Variants in KAZN observed in about 807,000 individuals in gnomAD.
KAZN encodes the protein kazrin, periplakin interacting protein.
KAZN carries 40 observed loss-of-function variants against 87.4 expected under a neutral mutation model. That is an observed-to-expected ratio of 0.46 (90% confidence interval 0.36 to 0.60). KAZN has a LOEUF of 0.60. Among genes scored for constraint, KAZN ranks in the 20% least tolerant of loss-of-function variants. KAZN has a pLI of 0.00. For missense variants in KAZN, 898 were observed against 1,073.9 expected, an observed-to-expected ratio of 0.84 and a Z score of 2.29; for synonymous variants, 466 against 458.3, an observed-to-expected ratio of 1.02 and a Z score of -0.22.
At chr1:14,480,280 A>T (rs2148389482) in intron 2 of KAZN, among the ~76,000 whole-genome samples, 1 of 152,336 alleles carries the variant, frequency 6.6e-6, no homozygotes, top group Admixed American at 6.5e-5. Context: ...GGCTCTGCGC[A>T]TATGCAGGTA....
chr1:14,072,429 G>A (rs1293804485), intron 1 of KAZN, among the ~76,000 whole-genome samples: 2 of 152,104 alleles, frequency 1.3e-5, no homozygotes, highest in Admixed American at 6.6e-5. Context: ...ATGACTCCAT[G>A]TTGGCTGGGG....
At chr1:14,616,278 C>T (rs1352125483) in intron 1 of KAZN, among the ~76,000 whole-genome samples, 1 of 152,182 alleles carries the variant, frequency 6.6e-6, no homozygotes, top group African/African-American at 2.4e-5. Context: ...CAAGCTTCCT[C>T]ATGCGGTGTC....
chr1:14,520,704 G>A (rs1671540462), intron 2 of KAZN, among the ~76,000 whole-genome samples: 1 of 152,156 alleles, frequency 6.6e-6, no homozygotes, highest in African/African-American at 2.4e-5. Flanking sequence ...TATCTGTTTG[G>A]GCAGAGACTG....
chr1:14,485,695 C>A (rs1325996699), intron 2 of KAZN, among the ~76,000 whole-genome samples: 1 of 151,962 alleles, frequency 6.6e-6, no homozygotes, highest in Non-Finnish European at 1.5e-5. Flanking sequence ...GAGTAAAAGA[C>A]CAGCCTGACC....
intron 1 of KAZN, chr1:14,929,717 G>C: frequency 1.1e-6 from 1 of 931,870 alleles, no homozygotes; most frequent in Non-Finnish European, 1.3e-6. Flanking sequence ...GTTATAAGGG[G>C]TGTGCGGGCG....
chr1:14,894,205 C>G (rs994758643), intron 1 of KAZN, among the ~76,000 whole-genome samples: 10 of 152,128 alleles, frequency 6.6e-5, no homozygotes, highest in South Asian at 2.1e-4. Flanking sequence ...CCATCTCCCC[C>G]GCTCCAGCCT....
At chr1:14,163,121 A>G (rs939096787) in intron 1 of KAZN, among the ~76,000 whole-genome samples, 6 of 152,162 alleles carry the variant, frequency 3.9e-5, no homozygotes, top group Non-Finnish European at 8.8e-5. Flanking sequence ...ATGGGTCTGC[A>G]GCAACTTGAT....
intron 2 of KAZN, among the ~76,000 whole-genome samples, chr1:14,212,350 A>AT (rs1489570194): frequency 6.6e-6 from 1 of 152,182 alleles, no homozygotes; most frequent in Admixed American, 6.5e-5. Context: ...CAGCCTTAAA[A>AT]TTTGAGAGAA....
chr1:14,730,761 G>A (rs1295851269), intron 1 of KAZN, among the ~76,000 whole-genome samples: 2 of 152,196 alleles, frequency 1.3e-5, no homozygotes, highest in African/African-American at 4.8e-5. Flanking sequence ...GGCCCAGAGA[G>A]AATGATGCTT....
At chr1:14,178,975 A>G (rs998389648) in intron 1 of KAZN, among the ~76,000 whole-genome samples, 1 of 152,142 alleles carries the variant, frequency 6.6e-6, no homozygotes. Flanking sequence ...AATGTGTCCC[A>G]TATTCCACCC....
intron 2 of KAZN, among the ~76,000 whole-genome samples, chr1:14,254,688 A>C (rs1291853246): frequency 6.6e-6 from 1 of 152,146 alleles, no homozygotes; most frequent in African/African-American, 2.4e-5. Context: ...GCTATAAAGA[A>C]ATACCTGAGA....
intron 2 of KAZN, among the ~76,000 whole-genome samples, chr1:14,369,008 A>C (rs1282485379): frequency 1.3e-5 from 2 of 152,182 alleles, no homozygotes; most frequent in Non-Finnish European, 2.9e-5. Flanking sequence ...ACAGTGGCTA[A>C]TAGGGAGCGC....
chr1:14,023,588 G>A (rs1266197094), intron 1 of KAZN, among the ~76,000 whole-genome samples: 1 of 152,100 alleles, frequency 6.6e-6, no homozygotes, highest in Admixed American at 6.6e-5. Flanking sequence ...TTCCTTGGGT[G>A]GACATTGACT....
chr1:15,028,570 TG>T (rs1030171484), intron 2 of KAZN, among the ~76,000 whole-genome samples: 1 of 152,200 alleles, frequency 6.6e-6, no homozygotes, highest in Non-Finnish European at 1.5e-5. Context: ...AATTATTTCT[TG>T]GGGGCCCATC....
chr1:14,921,322 G>GGACC lies in KAZN; in HGVS notation c.227-39361_227-39358dup, dbSNP rs1322230075. Among the ~76,000 whole-genome samples, 3 of 152,264 alleles carry GGACC rather than the reference G, an allele frequency of 2.0e-5. No homozygotes were observed. In the East Asian group the frequency reaches 5.8e-4, roughly 29 times the overall value. On this transcript the variant is annotated intron_variant, in intron 1 of 14. Transcript: ENST00000376030. ...ATGTGCGCTTCAGGAGGTTGCAGAG[G>GGACC]GACCAGTGACGGTAGCGGTGAAATG...
intron 8 of KAZN, among the ~76,000 whole-genome samples, chr1:15,082,839 C>T (rs1011568177): frequency 6.6e-6 from 1 of 152,180 alleles, no homozygotes; most frequent in South Asian, 2.1e-4. Flanking sequence ...ATTACAGGTG[C>T]GTGCCACCAT....
chr1:14,419,966 G>A (rs376568209), intron 2 of KAZN, among the ~76,000 whole-genome samples: 13 of 152,236 alleles, frequency 8.5e-5, no homozygotes, highest in South Asian at 4.2e-4. Flanking sequence ...GAACATTAGG[G>A]GATTGCCACT....
At chr1:14,496,174 G>A (rs889099842) in intron 2 of KAZN, among the ~76,000 whole-genome samples, 2 of 152,124 alleles carry the variant, frequency 1.3e-5, no homozygotes, top group African/African-American at 4.8e-5. Flanking sequence ...GGGGCTGCTG[G>A]TTTTCAGTTC....
chr1:15,047,325 C>T (rs550285916), intron 4 of KAZN, among the ~76,000 whole-genome samples: 1 of 149,340 alleles, frequency 6.7e-6, no homozygotes, highest in Non-Finnish European at 1.5e-5. Context: ...CACAGCTGAC[C>T]CTTCCTCGGG....
Sources: allele counts gnomAD v4.1 joint callset (sites outside exome capture counted in the v4.1 genomes callset), GRCh38; gene constraint gnomAD v4.1.1; transcripts MANE v1.5; gene names NCBI Gene and HGNC (gene_info 2026-07-23, HGNC 2026-07-21).